Variants in MTMR4 observed in about 807,000 individuals in gnomAD.
The protein encoded by MTMR4 is phosphatidylinositol-3,5-bisphosphate 3-phosphatase MTMR4.
A neutral mutation model predicts 125.5 loss-of-function variants in MTMR4; 30 were observed. The observed-to-expected ratio is 0.24, with a 90% CI of 0.18 to 0.32. The LOEUF is 0.32. Ranked by LOEUF, MTMR4 falls within the 10% of genes least tolerant of loss-of-function variation. The pLI is 1.00. For missense variants in MTMR4, 1,039 were observed against 1,511.5 expected, an observed-to-expected ratio of 0.69 and a Z score of 5.18; for synonymous variants, 498 against 564.5, an observed-to-expected ratio of 0.88 and a Z score of 1.67.
Position 58,498,510 on chromosome 17 carries a change from G to A in MTMR4, c.1854-2180C>T, listed in dbSNP as rs1414015124. On this transcript the variant is annotated intron_variant, in intron 14 of 17. Coordinates refer to ENST00000682306, the MANE Select transcript of MTMR4 (RefSeq NM_001378067.1). Reference sequence around the variant, plus strand: ...ATGGAAGAAGAAGAAGAAGGAGGAGGAGAAGGAGAAGGAGAAGCGGGGGAG... The same window carrying A: ...ATGGAAGAAGAAGAAGAAGGAGGAGAAGAAGGAGAAGGAGAAGCGGGGGAG... 2.4e-5 allele frequency among the ~76,000 whole-genome samples: 3 copies of A among 123,292 alleles called. No homozygotes were observed. In the East Asian group the frequency reaches 8.4e-4, roughly 35 times the overall value. 80.9% of individuals were successfully genotyped at this position (123,292 alleles called of 152,430 possible). A position where few individuals can be genotyped will look rare whatever the true frequency, so the allele number is the denominator to read the frequency against.
rs1294468802 is a variant in MTMR4, at chr17:58,502,935, C to A, written c.1853+809G>T. Among the ~76,000 whole-genome samples the A allele has an allele frequency of 2.6e-5, 4 of 152,152 alleles. No homozygotes were observed. In the East Asian group the frequency reaches 7.7e-4, roughly 29 times the overall value. ...ATTAACCAACATCATCTCACTTCTC[C>A]CCAAACATTGAGCCAGAAGATACCT... On this transcript the variant is annotated intron_variant, in intron 14 of 17. Transcript: ENST00000682306.
intron 15 of MTMR4, among the ~76,000 whole-genome samples, chr17:58,494,089 C>T (rs1294416247): frequency 4.0e-5 from 6 of 151,706 alleles, no homozygotes; most frequent in Non-Finnish European, 7.4e-5. Context: ...CCGAGGTGGG[C>T]GGATCATGAG....
Position 58,492,825 on chromosome 17 carries a change from T to C in MTMR4, c.3363+17A>G. On this transcript the variant is annotated intron_variant, in intron 16 of 17. Transcript: ENST00000682306. Reference sequence around the variant, plus strand: ...CTGGCTCACGTAAGTACCCACCACATATGTGCCTAAACATACCTCAGTCTC... The same window carrying C: ...CTGGCTCACGTAAGTACCCACCACACATGTGCCTAAACATACCTCAGTCTC... The C allele has an allele frequency of 6.2e-7, 1 of 1,604,630 alleles. No homozygotes were observed. Among genetic ancestry groups the C allele is most frequent in the Non-Finnish European group, 8.5e-7 (1 of 1,171,370 alleles).
Position 58,508,337 on chromosome 17 carries a change from G to A in MTMR4, c.594-63C>T. 1.3e-6 allele frequency: 2 copies of A among 1,562,728 alleles called. No homozygotes were observed. Among genetic ancestry groups the A allele is most frequent in the Middle Eastern group, 1.7e-4 (1 of 5,970 alleles). On this transcript the variant is annotated intron_variant, in intron 6 of 17. Transcript: ENST00000682306. The surrounding 1 kb of genome is among the most constrained non-coding windows in gnomAD (Gnocchi z 4.8). ...TAAAACATGTGATGACAGGATCCCT[G>A]GGGATGGCTTTGTGGGAAGAGAAAC...
intron 14 of MTMR4, among the ~76,000 whole-genome samples, chr17:58,503,477 A>C (rs959803421): frequency 1.8e-4 from 27 of 152,020 alleles, no homozygotes; most frequent in Non-Finnish European, 7.4e-5. Flanking sequence ...GTGAAACCCC[A>C]TCTCTACTAA....
chr17:58,495,375 T>G lies in MTMR4; in HGVS notation c.2809A>C (p.Thr937Pro). 1 of 1,614,114 alleles carries G rather than the reference T, an allele frequency of 6.2e-7. No individual in the cohort carries two copies. Among genetic ancestry groups the G allele is most frequent in the Non-Finnish European group, 8.5e-7 (1 of 1,180,030 alleles). ...CCATAGGAAAGCAGCCGCCGAGGGG[T>G]GGCCTCCCCACTTGGGAATGAAGTC... The part of the protein sequence containing the change: ...MVTSFPSGEA[T>P]PRRLLSYGCC... The change falls in exon 15 of 18, where the codon ACC becomes CCC. Residue 937 changes from threonine (T) to proline (P), a missense_variant. Thr to Pro is a conservative substitution (Grantham distance 38, BLOSUM62 -1). Coordinates refer to ENST00000682306, the MANE Select transcript of MTMR4 (RefSeq NM_001378067.1).
intron 14 of MTMR4, among the ~76,000 whole-genome samples, chr17:58,496,667 G>A (rs1014576932): frequency 9.9e-5 from 15 of 152,142 alleles, no homozygotes; most frequent in African/African-American, 3.6e-4. Flanking sequence ...TGAATCTACT[G>A]TTCCAGCTAG....
chr17:58,507,247 A>G lies in MTMR4; in HGVS notation c.780T>C (p.Ala260=), dbSNP rs1975803269. 4.3e-6 allele frequency: 7 copies of G among 1,614,034 alleles called. No homozygotes were observed. The highest frequency in any genetic ancestry group is 5.9e-6 in the Non-Finnish European group (7 of 1,180,036). The change falls in exon 8 of 18, where the codon GCT becomes GCC. Residue 260 remains alanine (A), a synonymous_variant. Coordinates refer to ENST00000682306, the MANE Select transcript of MTMR4 (RefSeq NM_001378067.1). Reference sequence around the variant, plus strand: ...TGGACGTGACCAGGTACTCATCATCAGCATTGCGCCAGCCCCACCAGCTGA... The same window carrying G: ...TGGACGTGACCAGGTACTCATCATCGGCATTGCGCCAGCCCCACCAGCTGA... ...PEISWWGWRN[A]DDEYLVTSIA...
chr17:58,493,277 G>GC (rs1975362942), intron 15 of MTMR4, among the ~76,000 whole-genome samples: 1 of 152,264 alleles, frequency 6.6e-6, no homozygotes, highest in East Asian at 1.9e-4. Flanking sequence ...GGCCAAACTA[G>GC]CCCACTGCCT....
intron 15 of MTMR4, 85 bp from the exon 16 acceptor site, chr17:58,493,037 A>C: frequency 1.0e-6 from 1 of 978,592 alleles, no homozygotes; most frequent in African/African-American, 1.6e-5. Context: ...TGCTAAGTGC[A>C]TTACACACAT....
chr17:58,515,150 T>G, upstream of MTMR4: 9 of 642,336 alleles, frequency 1.4e-5, no homozygotes, highest in Non-Finnish European at 1.7e-5. Context: ...GCTCCATCTC[T>G]CCCTTGTTTC....
At position 58,494,959 on chromosome 17, in the gene MTMR4, C is replaced by T. The variant is rs749904576; in HGVS notation, c.3225G>A (p.Glu1075=). The T allele has an allele frequency of 9.3e-6, 15 of 1,614,092 alleles. No individual in the cohort carries two copies. The South Asian group carries it at 1.5e-4, about 17-fold the overall frequency. The change falls in exon 15 of 18, where the codon GAG becomes GAA. Residue 1075 remains glutamate, a synonymous_variant. Transcript: ENST00000682306. ...AATCATCCTCATAGTCCATGGGGGG[C>T]TCTGCTGGAGGGGCACAGCAGTGAC... The part of the protein sequence containing the change: ...DIRHCCAPPA[E]PPMDYEDDFT...
At chr17:58,507,958 A>C (rs1220068467) in intron 7 of MTMR4, 4 of 493,876 alleles carry the variant, frequency 8.1e-6, no homozygotes, top group African/African-American at 2.0e-5. Flanking sequence ...CACACACTCT[A>C]AAAAAAGGGG....
intron 14 of MTMR4, 110 bp from the exon 15 acceptor site, chr17:58,496,440 A>G: frequency 1.2e-6 from 1 of 806,016 alleles, no homozygotes; most frequent in Non-Finnish European, 1.9e-6. Flanking sequence ...AAATAATGAC[A>G]CTTAAGAACA....
In MTMR4 at chr17:58,508,376, C is replaced by G; in HGVS notation, c.593+92G>C. 1 of 1,539,376 alleles carries G rather than the reference C, an allele frequency of 6.5e-7. No homozygotes were observed. The highest frequency in any genetic ancestry group is 1.1e-5 in the South Asian group (1 of 89,420). On this transcript the variant is annotated intron_variant, in intron 6 of 17. Transcript: ENST00000682306. This position sits in a 1 kb window ranked among gnomAD's most constrained non-coding sequence, Gnocchi z 4.8. ...GGGAAGAGAAACCATGAGCCTTCCTCCCTCTCAGACTCAGAAGCTGTGCCC... is the reference window on the plus strand; with the variant it reads ...GGGAAGAGAAACCATGAGCCTTCCTGCCTCTCAGACTCAGAAGCTGTGCCC...
chr17:58,504,393 T>G lies in MTMR4; in HGVS notation c.1437A>C (p.Glu479Asp). 4 of 1,614,140 alleles carry G rather than the reference T, an allele frequency of 2.5e-6. No individual in the cohort carries two copies. The highest frequency in any genetic ancestry group is 3.4e-6 in the Non-Finnish European group (4 of 1,180,012). ...GCCACTGGAGGAACACAGGGCATTG[T>G]TCGTTTTGGTCCTCCACATTCTCTT... ...GHQENVEDQN[E>D]QCPVFLQWLD... Residue 479 changes from glutamate (E) to aspartate (D), a missense_variant, in exon 12 of 18, where the codon GAA becomes GAC. Coordinates refer to ENST00000682306, the MANE Select transcript of MTMR4 (RefSeq NM_001378067.1). The surrounding 1 kb of genome is among the most constrained non-coding windows in gnomAD (Gnocchi z 7.1).
chr17:58,492,747 G>A, intron 16 of MTMR4, 95 bp downstream of exon 16: 5 of 1,364,628 alleles, frequency 3.7e-6, no homozygotes, highest in Non-Finnish European at 5.2e-6. Context: ...ACTCCTCTGG[G>A]GGACAGCTCA....
intron 4 of MTMR4, among the ~76,000 whole-genome samples, chr17:58,510,227 A>C (rs527241337): frequency 6.6e-6 from 1 of 152,320 alleles, no homozygotes; most frequent in Non-Finnish European, 1.5e-5. Flanking sequence ...GCCAGTCTTC[A>C]TGACAGCCAA....
chr17:58,493,342 T>G (rs1024793195), intron 15 of MTMR4, among the ~76,000 whole-genome samples: 1 of 152,270 alleles, frequency 6.6e-6, no homozygotes, highest in Non-Finnish European at 1.5e-5. Context: ...ATTTACTTAC[T>G]GTCTATGGCT....
Sources: allele counts gnomAD v4.1 joint callset (sites outside exome capture counted in the v4.1 genomes callset), GRCh38; gene constraint gnomAD v4.1.1; non-coding constraint Gnocchi (gnomAD v3.1); transcripts MANE v1.5; gene names NCBI Gene and HGNC (gene_info 2026-07-23, HGNC 2026-07-21).